Variants in SLC25A21 observed in about 807,000 individuals in gnomAD.
SLC25A21 encodes mitochondrial 2-oxodicarboxylate carrier.
SLC25A21 carries 47 observed loss-of-function variants against 43.8 expected under a neutral mutation model. The observed-to-expected ratio is 1.07, with a 90% CI of 0.85 to 1.37. The LOEUF (loss-of-function observed/expected upper bound fraction) is 1.37, where lower values mean the gene tolerates loss of function less well. Among genes scored for constraint, SLC25A21 ranks in the 40% most tolerant of loss-of-function variants. SLC25A21 has a pLI of 0.00. For missense variants in SLC25A21, 352 were observed against 350.2 expected, an observed-to-expected ratio of 1.00 and a Z score of -0.04; for synonymous variants, 131 against 121.3, an observed-to-expected ratio of 1.08 and a Z score of -0.52.
chr14:36,766,700 T>C (rs1886428681), intron 3 of SLC25A21, among the ~76,000 whole-genome samples: 1 of 152,182 alleles, frequency 6.6e-6, no homozygotes, highest in African/African-American at 2.4e-5. Flanking sequence ...GACTCTCATT[T>C]CAGCACCCAA....
chr14:36,810,235 C>G lies in SLC25A21; in HGVS notation c.203+3683G>C, dbSNP rs778708807. Among the ~76,000 whole-genome samples, 25 of 152,120 alleles carry G rather than the reference C, an allele frequency of 1.6e-4. 1 individual carries two copies. Among genetic ancestry groups the G allele is most frequent in the Non-Finnish European group, 3.2e-4 (22 of 68,010 alleles). On this transcript the variant is annotated intron_variant, in intron 3 of 9. Coordinates refer to ENST00000331299, the MANE Select transcript of SLC25A21 (RefSeq NM_030631.4). Reference sequence around the variant, plus strand: ...CATACAGTATAGAAAAAGGCCAATTCCACTATGTAAGGACCACACATACTG... The same window carrying G: ...CATACAGTATAGAAAAAGGCCAATTGCACTATGTAAGGACCACACATACTG...
At chr14:36,816,093 C>G (rs1000563998) in intron 2 of SLC25A21, among the ~76,000 whole-genome samples, 1 of 152,080 alleles carries the variant, frequency 6.6e-6, no homozygotes, top group Non-Finnish European at 1.5e-5. Context: ...AGCAGTTGGG[C>G]ATATGGGCAG....
intron 3 of SLC25A21, among the ~76,000 whole-genome samples, chr14:36,758,775 C>T (rs919571468): frequency 5.9e-5 from 9 of 152,096 alleles, no homozygotes; most frequent in Non-Finnish European, 1.2e-4. Flanking sequence ...GAACTGGATG[C>T]ATCCTGAGGG....
intron 2 of SLC25A21, among the ~76,000 whole-genome samples, chr14:36,818,574 T>C (rs1268966905): frequency 6.6e-6 from 1 of 152,200 alleles, no homozygotes; most frequent in African/African-American, 2.4e-5. Context: ...AGAACAGTTG[T>C]CTCTTCTACT....
At chr14:36,699,886 C>T (rs1474958357) in intron 7 of SLC25A21, among the ~76,000 whole-genome samples, 1 of 152,190 alleles carries the variant, frequency 6.6e-6, no homozygotes, top group Non-Finnish European at 1.5e-5. Flanking sequence ...GGAAATCTCC[C>T]AACCCCTTGC....
At chr14:37,160,612 G>A (rs990329186) in intron 1 of SLC25A21, among the ~76,000 whole-genome samples, 14 of 152,024 alleles carry the variant, frequency 9.2e-5, no homozygotes, top group African/African-American at 3.1e-4. Context: ...AGGTTAAAGA[G>A]TACAAACATA....
chr14:36,912,708 T>G (rs1891726436), intron 1 of SLC25A21, among the ~76,000 whole-genome samples: 2 of 152,230 alleles, frequency 1.3e-5, no homozygotes, highest in Admixed American at 6.5e-5. Context: ...AGTGTTAGAC[T>G]TGCCAAGAAT....
chr14:36,734,146 C>A (rs2139228047), intron 4 of SLC25A21, among the ~76,000 whole-genome samples: 1 of 152,242 alleles, frequency 6.6e-6, no homozygotes, highest in East Asian at 1.9e-4. Context: ...TCTCCTCTTT[C>A]CTCTTCCCTC....
intron 1 of SLC25A21, among the ~76,000 whole-genome samples, chr14:37,048,176 A>ATATC (rs1961628739): frequency 6.6e-6 from 1 of 152,108 alleles, no homozygotes; most frequent in Non-Finnish European, 1.5e-5. Context: ...CTCCCTCAAC[A>ATATC]TATCTGAAAG....
intron 1 of SLC25A21, among the ~76,000 whole-genome samples, chr14:36,958,260 G>A (rs936494391): frequency 6.6e-6 from 1 of 151,872 alleles, no homozygotes; most frequent in Non-Finnish European, 1.5e-5. Flanking sequence ...CAACACCCTG[G>A]GCCCTCCTAA....
chr14:37,108,278 A>T (rs918070670), intron 1 of SLC25A21, among the ~76,000 whole-genome samples: 1 of 152,168 alleles, frequency 6.6e-6, no homozygotes, highest in East Asian at 1.9e-4. Flanking sequence ...TACATTTGCT[A>T]ATGAATTCAT....
At chr14:36,782,760 C>A (rs1452021706) in intron 3 of SLC25A21, among the ~76,000 whole-genome samples, 5 of 133,466 alleles carry the variant, frequency 3.7e-5, no homozygotes, top group Non-Finnish European at 6.1e-5. Flanking sequence ...AATGAGATCA[C>A]ATGGACACAG....
intron 7 of SLC25A21, among the ~76,000 whole-genome samples, chr14:36,693,316 A>C (rs138502076): frequency 0.011 from 1,606 of 152,288 alleles, 25 homozygotes; most frequent in African/African-American, 0.033. Flanking sequence ...GAAAGATGTG[A>C]ACATATGGCA....
chr14:37,094,908 T>A (rs1962657046), intron 1 of SLC25A21, among the ~76,000 whole-genome samples: 1 of 152,154 alleles, frequency 6.6e-6, no homozygotes, highest in South Asian at 2.1e-4. Context: ...GTGGCTATAG[T>A]TAATAGCAGT....
intron 1 of SLC25A21, among the ~76,000 whole-genome samples, chr14:36,927,277 T>C (rs1021452487): frequency 1.3e-5 from 2 of 152,254 alleles, no homozygotes; most frequent in African/African-American, 4.8e-5. Flanking sequence ...GAGGTAATGC[T>C]ACTGACAATG....
chr14:37,117,505 TCC>T (rs1419169474), intron 1 of SLC25A21, among the ~76,000 whole-genome samples: 1 of 152,160 alleles, frequency 6.6e-6, no homozygotes, highest in Non-Finnish European at 1.5e-5. Context: ...TTTCTATACA[TCC>T]CTTAAGTCGG....
At chr14:36,880,205 T>C (rs1471331719) in intron 1 of SLC25A21, among the ~76,000 whole-genome samples, 3 of 152,150 alleles carry the variant, frequency 2.0e-5, no homozygotes, top group African/African-American at 7.2e-5. Context: ...AGAAGGAGCC[T>C]GGTCTTCTCT....
intron 1 of SLC25A21, among the ~76,000 whole-genome samples, chr14:37,081,307 T>A (rs1473941589): frequency 1.3e-5 from 2 of 152,222 alleles, no homozygotes; most frequent in East Asian, 3.8e-4. Flanking sequence ...ATGTAACCTC[T>A]TGAGAGAGTT....
chr14:36,970,188 G>A (rs1406403262), intron 1 of SLC25A21, among the ~76,000 whole-genome samples: 9 of 152,042 alleles, frequency 5.9e-5, no homozygotes, highest in African/African-American at 1.9e-4. Context: ...TGTGATCACC[G>A]CCATAATAAT....
Sources: gnomAD v4.1 joint callset for allele counts (sites outside exome capture counted in the v4.1 genomes callset) on GRCh38, gnomAD v4.1.1 for gene constraint, MANE v1.5 for transcripts, NCBI Gene and HGNC (gene_info 2026-07-23, HGNC 2026-07-21) for gene names.